Variants in MECR observed in about 807,000 individuals in gnomAD.
MECR encodes enoyl-[acyl-carrier-protein] reductase, mitochondrial.
A neutral mutation model predicts 49.1 loss-of-function variants in MECR; 37 were observed. That is an observed-to-expected ratio of 0.75 (90% CI 0.58 to 0.99). The LOEUF is 0.99. Ranked by LOEUF, MECR falls within the 50% of genes least tolerant of loss-of-function variation. The pLI, the probability that MECR is intolerant of heterozygous loss-of-function variation, is 0.00. For synonymous variants in MECR, 198 were observed against 191.1 expected (o/e 1.04, Z -0.30); for missense variants, 470 against 479.6 (o/e 0.98, Z 0.19).
the MECR span, chr1:29,181,705 G>T: frequency 1.3e-6 from 2 of 1,596,116 alleles, no homozygotes; most frequent in Middle Eastern, 1.7e-4. Context: ...GCTCCACATC[G>T]CGCTCCCGGG....
the MECR span, among the ~76,000 whole-genome samples, chr1:29,183,557 A>G: frequency 6.6e-6 from 1 of 152,160 alleles, no homozygotes; most frequent in Non-Finnish European, 1.5e-5. Flanking sequence ...AGAGGTGAAA[A>G]ATGTTATCTC....
chr1:29,210,242 G>C (rs562630473), intron 3 of MECR, among the ~76,000 whole-genome samples: 64 of 152,300 alleles, frequency 4.2e-4, no homozygotes, highest in African/African-American at 1.5e-3. Flanking sequence ...TCGATCTCCT[G>C]ACCTCGTGAT....
chr1:29,178,503 C>G, the MECR span, among the ~76,000 whole-genome samples: 1 of 151,980 alleles, frequency 6.6e-6, no homozygotes, highest in Non-Finnish European at 1.5e-5. Flanking sequence ...GCCACCATGC[C>G]CGGCTACTTT....
At position 29,196,188 on chromosome 1, in the gene MECR, C is replaced by T; in HGVS notation, c.891+10G>A. On this transcript the variant is annotated intron_variant, in intron 8 of 9. Coordinates refer to ENST00000263702, the MANE Select transcript of MECR (RefSeq NM_016011.5). ...GGCTCCAGGCATGCCTCCCTCTGCA[C>T]CCAGCTTACCACAGAGGCTACGACG... 6.2e-7 allele frequency: 1 copy of T among 1,614,150 alleles called. No individual in the cohort carries two copies. Among genetic ancestry groups the T allele is most frequent in the Admixed American group, 1.7e-5 (1 of 60,020 alleles).
chr1:29,226,310 G>A (rs1231088901), intron 1 of MECR, among the ~76,000 whole-genome samples: 1 of 152,054 alleles, frequency 6.6e-6, no homozygotes, highest in African/African-American at 2.4e-5. Flanking sequence ...CAAAAGCCTC[G>A]GGATCCTGAA....
intron 4 of MECR, among the ~76,000 whole-genome samples, chr1:29,205,696 G>T (rs1319519410): frequency 6.6e-6 from 1 of 151,996 alleles, no homozygotes; most frequent in African/African-American, 2.4e-5. Context: ...CAGGCATGGT[G>T]GCAGGCACCT....
chr1:29,202,190 CA>C lies in MECR; in HGVS notation c.654-146del, dbSNP rs1284805361. On this transcript the variant is annotated intron_variant, in intron 5 of 9. Transcript: ENST00000263702. ...GTTTAAGCCAGGCTTGAGCAGGGAC[CA>C]GCCACCTAATTTCATGCAGCTTCAA... 5.8e-6 allele frequency: 4 copies of C among 687,750 alleles called. No homozygotes were observed. The African/African-American group carries it at 7.1e-5, about 12-fold the overall frequency. 42.6% of individuals were successfully genotyped at this position (687,750 alleles called of 1,614,324 possible). A position where few individuals can be genotyped will look rare whatever the true frequency, so the allele number is the denominator to read the frequency against.
chr1:29,176,960 G>T, the MECR span, among the ~76,000 whole-genome samples: 1 of 151,948 alleles, frequency 6.6e-6, no homozygotes, highest in African/African-American at 2.4e-5. Flanking sequence ...ATGATCTGGG[G>T]GTTTATCCTT....
chr1:29,230,530 C>G lies in MECR; in HGVS notation c.176+201G>C, dbSNP rs1047765805. 3 of 587,806 alleles carry G rather than the reference C, an allele frequency of 5.1e-6. No homozygotes were observed. In the African/African-American group the frequency reaches 5.7e-5, roughly 11 times the overall value. 36.4% of individuals were successfully genotyped at this position (587,806 alleles called of 1,614,324 possible). On this transcript the variant is annotated intron_variant, in intron 1 of 9. Transcript: ENST00000263702. ...GATCAATAAACATCAGCCATTAATA[C>G]CCTGATAATTGCCTCTCGGGTCTTC...
At chr1:29,174,147 C>CCACTG in the MECR span, among the ~76,000 whole-genome samples, 1 of 151,208 alleles carries the variant, frequency 6.6e-6, no homozygotes. Flanking sequence ...TGAGATCATG[C>CCACTG]CACTGCACTG....
chr1:29,223,051 A>G (rs1681156657), intron 1 of MECR: 1 of 977,004 alleles, frequency 1.0e-6, no homozygotes, highest in Admixed American at 6.2e-5. Context: ...AACAAACAAA[A>G]CTCACCAAAG....
chr1:29,205,925 C>T (rs1676476640), intron 4 of MECR, among the ~76,000 whole-genome samples: 2 of 152,170 alleles, frequency 1.3e-5, no homozygotes, highest in South Asian at 2.1e-4. Flanking sequence ...ATTTCTTCTT[C>T]CCAAACAAAC....
the MECR span, among the ~76,000 whole-genome samples, chr1:29,181,375 C>T: frequency 6.6e-6 from 1 of 152,248 alleles, no homozygotes; most frequent in Non-Finnish European, 1.5e-5. Context: ...TGCCCCCCTG[C>T]CCGGAGCACC....
At chr1:29,191,722 C>CT (rs1673137240), downstream of MECR, among the ~76,000 whole-genome samples, 1 of 152,170 alleles carries the variant, frequency 6.6e-6, no homozygotes, top group African/African-American at 2.4e-5. Context: ...AAGCTGAGTC[C>CT]TTTTTTCCAG....
At chr1:29,187,598 T>A in the MECR span, among the ~76,000 whole-genome samples, 13 of 149,818 alleles carry the variant, frequency 8.7e-5, no homozygotes, top group South Asian at 2.3e-3. Context: ...ATTTATCAAA[T>A]TTTTTTTCCT....
intron 7 of MECR, among the ~76,000 whole-genome samples, chr1:29,198,920 G>C (rs1001962655): frequency 6.6e-6 from 1 of 151,678 alleles, no homozygotes; most frequent in African/African-American, 2.4e-5. Flanking sequence ...CCCGGCCTGG[G>C]CCTCATTGTT....
chr1:29,226,134 A>C (rs867400160), intron 1 of MECR, among the ~76,000 whole-genome samples: 1 of 136,842 alleles, frequency 7.3e-6, no homozygotes, highest in South Asian at 2.3e-4. Context: ...GCACCACTGC[A>C]CTCCAGCCTG....
At position 29,206,909 on chromosome 1, in the gene MECR, A is replaced by G. The variant is rs1446295919; in HGVS notation, c.407-4T>C. On this transcript the variant is annotated splice_polypyrimidine_tract_variant and splice_region_variant and intron_variant, in intron 3 of 9. Coordinates refer to ENST00000263702, the MANE Select transcript of MECR (RefSeq NM_016011.5). Reference sequence around the variant, plus strand: ...ACAGCCTCGGTCCGCCAGGTTCCTGAGTCAGAAGATGAAGCCAGGATCATA... The same window carrying G: ...ACAGCCTCGGTCCGCCAGGTTCCTGGGTCAGAAGATGAAGCCAGGATCATA... 3 of 1,613,896 alleles carry G rather than the reference A, an allele frequency of 1.9e-6. No homozygotes were observed. Among genetic ancestry groups the G allele is most frequent in the African/African-American group, 2.7e-5 (2 of 74,886 alleles).
chr1:29,202,721 C>T (rs1162831104), intron 5 of MECR, among the ~76,000 whole-genome samples: 3 of 152,284 alleles, frequency 2.0e-5, no homozygotes, highest in South Asian at 4.1e-4. Context: ...CTGTATTTAG[C>T]GCACTTCCAA....
Sources: allele counts gnomAD v4.1 joint callset (sites outside exome capture counted in the v4.1 genomes callset), GRCh38; gene constraint gnomAD v4.1.1; transcripts MANE v1.5; gene names NCBI Gene and HGNC (gene_info 2026-07-23, HGNC 2026-07-21).